CTNNA3: variants seen among roughly 807,000 people sequenced by gnomAD.
The protein encoded by CTNNA3 is catenin alpha-3.
A neutral mutation model predicts 95.7 loss-of-function variants in CTNNA3; 76 were observed. The observed-to-expected ratio is 0.79, with a 90% confidence interval of 0.66 to 0.96. CTNNA3 has a LOEUF of 0.96. Ranked by LOEUF, CTNNA3 falls within the 40% of genes least tolerant of loss-of-function variation. The pLI, the probability that CTNNA3 is intolerant of heterozygous loss-of-function variation, is 0.00. For missense variants in CTNNA3, 1,191 were observed against 1,089.8 expected, an observed-to-expected ratio of 1.09 and a Z score of -1.31; for synonymous variants, 431 against 374.4, an observed-to-expected ratio of 1.15 and a Z score of -1.74.
chr10:67,531,587 C>T (rs954956848), intron 4 of CTNNA3, among the ~76,000 whole-genome samples: 5 of 152,198 alleles, frequency 3.3e-5, no homozygotes, highest in African/African-American at 4.8e-5. Context: ...TTTGATTTTA[C>T]AAGCTCATAG....
intron 7 of CTNNA3, among the ~76,000 whole-genome samples, chr10:66,921,720 C>T (rs1443232629): frequency 6.6e-6 from 1 of 152,044 alleles, no homozygotes; most frequent in East Asian, 1.9e-4. Context: ...ACCTTGCACT[C>T]CCAATCTTCC....
intron 1 of CTNNA3, among the ~76,000 whole-genome samples, chr10:67,678,665 G>A (rs1245161367): frequency 6.6e-6 from 1 of 152,142 alleles, no homozygotes; most frequent in Non-Finnish European, 1.5e-5. Context: ...ATATAAGAAT[G>A]TCCCAGAGCC....
chr10:67,268,349 TAAATTAAATA>T lies in CTNNA3; in HGVS notation c.580-48489_580-48480del, dbSNP rs1230164925. ...TAAATTAAATTAAATTAAATTAAAT[TAAATTAAATA>T]AATAAATAAAAAATCAGCCGTTAGC... On this transcript the variant is annotated intron_variant, in intron 5 of 17. Coordinates refer to ENST00000433211, the MANE Select transcript of CTNNA3 (RefSeq NM_013266.4). Among the ~76,000 whole-genome samples the T allele has an allele frequency of 2.9e-4, 43 of 149,548 alleles. No homozygotes were observed. The South Asian group carries it at 3.0e-3, about 10-fold the overall frequency.
rs548644906 is a variant in CTNNA3 at position 67,745,451 on chromosome 10, T to C, written c.-2+17983A>G. Among the ~76,000 whole-genome samples the C allele has an allele frequency of 7.4e-5, 10 of 135,884 alleles. No individual in the cohort carries two copies. In the South Asian group the frequency reaches 1.4e-3, roughly 19 times the overall value. 89.1% of individuals were successfully genotyped at this position (135,884 alleles called of 152,430 possible). A position where few individuals can be genotyped will look rare whatever the true frequency, so the allele number is the denominator to read the frequency against. Reference sequence around the variant, plus strand: ...ACATGTTCTCACTCATAGTTGGGAATTGAACAATGAGAACACATGGACACA... The same window carrying C: ...ACATGTTCTCACTCATAGTTGGGAACTGAACAATGAGAACACATGGACACA... On this transcript the variant is annotated intron_variant, in intron 1 of 17. Transcript: ENST00000684154.
chr10:67,516,113 C>T (rs992112182), intron 5 of CTNNA3, among the ~76,000 whole-genome samples: 4 of 152,156 alleles, frequency 2.6e-5, no homozygotes, highest in South Asian at 2.1e-4. Context: ...CAGTTGCCTG[C>T]CACCATGCCC....
chr10:66,550,907 G>A (rs181045838), intron 10 of CTNNA3, among the ~76,000 whole-genome samples: 103 of 151,834 alleles, frequency 6.8e-4, no homozygotes, highest in Admixed American at 3.0e-3. Context: ...AATATAAAAC[G>A]TAGAAATGCT....
intron 3 of CTNNA3, among the ~76,000 whole-genome samples, chr10:67,583,198 G>C (rs979713640): frequency 5.3e-5 from 8 of 152,126 alleles, no homozygotes; most frequent in Non-Finnish European, 1.0e-4. Context: ...GGCTGGTACC[G>C]GTTGTTCCTT....
At chr10:66,931,720 A>G (rs1245238346) in intron 7 of CTNNA3, among the ~76,000 whole-genome samples, 1 of 152,178 alleles carries the variant, frequency 6.6e-6, no homozygotes, top group East Asian at 1.9e-4. Flanking sequence ...TTTGAATGTT[A>G]TACTTTTCAT....
At chr10:66,502,776 TG>T (rs1171015462) in intron 11 of CTNNA3, among the ~76,000 whole-genome samples, 1 of 152,130 alleles carries the variant, frequency 6.6e-6, no homozygotes, top group Non-Finnish European at 1.5e-5. Flanking sequence ...CTTATGAATA[TG>T]TGCACAAGTT....
rs574359177 is a variant in CTNNA3 at position 66,710,617 on chromosome 10, G to T, written c.1281+55647C>A. On this transcript the variant is annotated intron_variant, in intron 9 of 17. Transcript: ENST00000433211. ...TTTCTTCACAATGATAAGCTTAGTTGAATTTAGAAAAATTAATATGTGGCT... is the reference window on the plus strand; with the variant it reads ...TTTCTTCACAATGATAAGCTTAGTTTAATTTAGAAAAATTAATATGTGGCT... 2.6e-5 allele frequency among the ~76,000 whole-genome samples: 4 copies of T among 151,778 alleles called. No individual in the cohort carries two copies. In the East Asian group the frequency reaches 7.7e-4, roughly 29 times the overall value.
chr10:67,167,084 G>A (rs931274911), intron 7 of CTNNA3, among the ~76,000 whole-genome samples: 1 of 151,422 alleles, frequency 6.6e-6, no homozygotes, highest in African/African-American at 2.4e-5. Context: ...TCCAGCCTGG[G>A]TGACAGAACG....
chr10:67,136,535 C>A (rs921207423), intron 7 of CTNNA3, among the ~76,000 whole-genome samples: 1 of 151,814 alleles, frequency 6.6e-6, no homozygotes, highest in Admixed American at 6.6e-5. Flanking sequence ...ATTACAAGAA[C>A]ACTAGAAAAA....
At chr10:66,905,884 GATAA>G (rs1350130828) in intron 7 of CTNNA3, among the ~76,000 whole-genome samples, 16 of 152,110 alleles carry the variant, frequency 1.1e-4, no homozygotes, top group Admixed American at 4.6e-4. Context: ...ATTTATAAAA[GATAA>G]ATAAATCCTA....
At chr10:66,880,140 A>C (rs931955637) in intron 7 of CTNNA3, among the ~76,000 whole-genome samples, 2 of 152,074 alleles carry the variant, frequency 1.3e-5, no homozygotes, top group Admixed American at 6.6e-5. Flanking sequence ...CAGGGAAGGA[A>C]AGTGAAGAGA....
At position 66,483,561 on chromosome 10, in the gene CTNNA3, A is replaced by G. The variant is rs1272504453; in HGVS notation, c.1531+37056T>C. Among the ~76,000 whole-genome samples the G allele has an allele frequency of 2.0e-5, 3 of 152,156 alleles. No individual in the cohort carries two copies. The East Asian group carries it at 5.8e-4, about 29-fold the overall frequency. On this transcript the variant is annotated intron_variant, in intron 11 of 17. Coordinates refer to ENST00000433211, the MANE Select transcript of CTNNA3 (RefSeq NM_013266.4). ...CCCTTACATTTTAGTCTGGCTGATAAAAGAGTAAAATTTTAAAAAGGGTCT... is the reference window on the plus strand; with the variant it reads ...CCCTTACATTTTAGTCTGGCTGATAGAAGAGTAAAATTTTAAAAAGGGTCT...
intron 1 of CTNNA3, among the ~76,000 whole-genome samples, chr10:67,726,128 A>G (rs1489618127): frequency 8.8e-6 from 1 of 114,196 alleles, no homozygotes; most frequent in Non-Finnish European, 1.6e-5. Flanking sequence ...ATTATATTAG[A>G]TAATATATAT....
intron 5 of CTNNA3, among the ~76,000 whole-genome samples, chr10:67,487,842 C>T (rs142232878): frequency 6.6e-6 from 1 of 152,190 alleles, no homozygotes; most frequent in South Asian, 2.1e-4. Context: ...ACCTTCCTCA[C>T]CCCTAGGTAC....
intron 7 of CTNNA3, among the ~76,000 whole-genome samples, chr10:67,131,277 A>C (rs979318801): frequency 6.6e-6 from 1 of 151,980 alleles, no homozygotes; most frequent in African/African-American, 2.4e-5. Context: ...TATATGATAC[A>C]ATTTATTCAA....
chr10:66,797,130 A>G (rs1841231628), intron 7 of CTNNA3, among the ~76,000 whole-genome samples: 1 of 151,968 alleles, frequency 6.6e-6, no homozygotes, highest in African/African-American at 2.4e-5. Context: ...TTGACAACAA[A>G]AGTGCCTCAA....
Sources: gnomAD v4.1 joint callset for allele counts (sites outside exome capture counted in the v4.1 genomes callset) on GRCh38, gnomAD v4.1.1 for gene constraint, MANE v1.5 for transcripts, NCBI Gene and HGNC (gene_info 2026-07-23, HGNC 2026-07-21) for gene names.